GSDMB: variants seen among roughly 807,000 people sequenced by gnomAD.
GSDMB encodes gasdermin B, also known as gasdermin-B.
In GSDMB, 32 loss-of-function variants were observed where a neutral mutation model predicts 42.9. The observed-to-expected ratio is 0.75, with a 90% CI of 0.56 to 1.00. GSDMB has a LOEUF of 1.00. Among genes scored for constraint, GSDMB ranks in the 50% least tolerant of loss-of-function variants. The probability of loss-of-function intolerance (pLI) is 0.00; values close to 1 mark genes in which losing one functional copy is unlikely to be tolerated. For missense variants in GSDMB, 468 were observed against 498.5 expected, an observed-to-expected ratio of 0.94 and a Z score of 0.58; for synonymous variants, 175 against 193.7, an observed-to-expected ratio of 0.90 and a Z score of 0.80.
At chr17:39,912,618 G>C (rs1568104796) in intron 2 of GSDMB, 121 bp from the exon 3 acceptor site, 1 of 737,668 alleles carries the variant, frequency 1.4e-6, no homozygotes, top group East Asian at 2.6e-5. Context: ...CCTTCTGAGG[G>C]AGCGCCACAG....
At chr17:39,907,862 A>G in intron 6 of GSDMB, 1 of 308,270 alleles carries the variant, frequency 3.2e-6, no homozygotes, top group Non-Finnish European at 6.0e-6. Context: ...TTTCACAGCC[A>G]GTGCTGTCCT....
rs1451057108 is a variant in GSDMB, at chr17:39,917,278, A to G, written c.39T>C (p.Val13=). Residue 13 remains valine (V), a synonymous_variant, in exon 2 of 11, where the codon GTT becomes GTC. Transcript: ENST00000418519. ...TATCCCCTCCAGCATCCATCTCCTT[A>G]ACTACAATTCTTGTGATTTCCTCAA... ...SVFEEITRIV[V]KEMDAGGDMI... 1.2e-6 allele frequency: 2 copies of G among 1,613,560 alleles called. No homozygotes were observed. The highest frequency in any genetic ancestry group is 1.3e-5 in the African/African-American group (1 of 74,912).
chr17:39,910,175 G>T (rs1473523424), intron 3 of GSDMB, among the ~76,000 whole-genome samples: 4 of 152,130 alleles, frequency 2.6e-5, no homozygotes, highest in Non-Finnish European at 5.9e-5. Flanking sequence ...GGAGGCTGAG[G>T]TGAGTGGATC....
Position 39,917,070 on chromosome 17 carries a change from C to T in GSDMB, c.235+12G>A, listed in dbSNP as rs762144180. On this transcript the variant is annotated intron_variant, in intron 2 of 10. Transcript: ENST00000418519. The stretch of plus-strand genomic sequence containing the variant: ...CTCCTGGCTGGCCACCTGTCATCTA[C>T]CTTATACTGACCTTGGAGCCCAGAA... 1.6e-5 allele frequency: 25 copies of T among 1,591,288 alleles called. No homozygotes were observed. In the South Asian group the frequency reaches 2.4e-4, roughly 15 times the overall value.
At chr17:39,907,137 A>T in intron 6 of GSDMB, 150 bp from the exon 7 acceptor site, 1 of 1,480,112 alleles carries the variant, frequency 6.8e-7, no homozygotes, top group Non-Finnish European at 9.0e-7. Flanking sequence ...GCGTGTGTCA[A>T]TGGGAAAGCA....
intron 3 of GSDMB, among the ~76,000 whole-genome samples, chr17:39,910,305 C>T (rs530463375): frequency 6.6e-6 from 1 of 152,274 alleles, no homozygotes; most frequent in South Asian, 2.1e-4. Context: ...GCCTGGGCAA[C>T]AGAGCAAGAC....
intron 2 of GSDMB, among the ~76,000 whole-genome samples, chr17:39,914,772 A>AAG (rs1335807938): frequency 1.3e-5 from 2 of 151,666 alleles, no homozygotes; most frequent in Non-Finnish European, 2.9e-5. Flanking sequence ...AAAAAAAAAA[A>AAG]AAAAAAAGTT....
intron 1 of GSDMB, chr17:39,918,032 C>T (rs2063747687): frequency 1.3e-5 from 2 of 152,244 alleles, no homozygotes; most frequent in African/African-American, 4.8e-5. Context: ...CCATTTTCTA[C>T]ATCTCCCACA....
intron 5 of GSDMB, among the ~76,000 whole-genome samples, chr17:39,908,547 T>C (rs993041312): frequency 6.6e-6 from 1 of 151,818 alleles, no homozygotes; most frequent in African/African-American, 2.4e-5. Context: ...ACCCAGCTAA[T>C]ATTTATATTT....
chr17:39,914,170 T>C (rs571266120), intron 2 of GSDMB, among the ~76,000 whole-genome samples: 78 of 152,302 alleles, frequency 5.1e-4, no homozygotes, highest in African/African-American at 1.8e-3. Context: ...TGATAGGTCA[T>C]GTTGACAGTA....
chr17:39,907,347 A>C, intron 6 of GSDMB: 1 of 252,688 alleles, frequency 4.0e-6, no homozygotes, highest in Non-Finnish European at 6.6e-6. Context: ...AAACCTAGAA[A>C]TTCCAGAGGA....
rs1382026187 is a variant in GSDMB at position 39,904,792 on chromosome 17, G to A, written c.*20C>T. ...TAAAGGGAAAACCCAGAGGCTTGTG[G>A]GGAGAAAGGGCTTTTGTAGTTAGGA... On this transcript the variant is annotated 3_prime_UTR_variant, in exon 11 of 11. Coordinates refer to ENST00000418519, the MANE Select transcript of GSDMB (RefSeq NM_001165958.2). 6.2e-7 allele frequency: 1 copy of A among 1,611,130 alleles called. No homozygotes were observed. The highest frequency in any genetic ancestry group is 1.3e-5 in the African/African-American group (1 of 74,978).
At chr17:39,909,288 T>C (rs1163210740) in intron 4 of GSDMB, among the ~76,000 whole-genome samples, 1 of 152,216 alleles carries the variant, frequency 6.6e-6, no homozygotes, top group Non-Finnish European at 1.5e-5. Flanking sequence ...AAATGTTTAC[T>C]GAGGAGCTGC....
At chr17:39,909,178 C>T in intron 4 of GSDMB, 136 bp from the exon 5 acceptor site, 1 of 611,142 alleles carries the variant, frequency 1.6e-6, no homozygotes, top group South Asian at 2.2e-5. Context: ...TCTCAGAGGT[C>T]AGCAGGTGAG....
intron 6 of GSDMB, chr17:39,907,479 G>C (rs2063525613): frequency 6.5e-6 from 1 of 152,966 alleles, no homozygotes; most frequent in Non-Finnish European, 1.5e-5. Flanking sequence ...GCAGTGGGTG[G>C]ATCACCTGAG....
chr17:39,908,671 C>T (rs111826178), intron 5 of GSDMB, among the ~76,000 whole-genome samples: 4,118 of 152,224 alleles, frequency 0.027, 74 homozygotes, highest in Non-Finnish European at 0.042. Flanking sequence ...TGAGCCACCA[C>T]GTCCAGCCAA....
rs1435670563 is a variant in GSDMB at position 39,905,561 on chromosome 17, T to C, written c.1028-65A>G. ...GGTGGGACAGGGCCTCAGTGGCTGATCACACCCAGAACATGTATCATCAAA... is the reference window on the plus strand; with the variant it reads ...GGTGGGACAGGGCCTCAGTGGCTGACCACACCCAGAACATGTATCATCAAA... On this transcript the variant is annotated intron_variant, in intron 9 of 10. Coordinates refer to ENST00000418519, the MANE Select transcript of GSDMB (RefSeq NM_001165958.2). The C allele has an allele frequency of 7.8e-6, 10 of 1,282,592 alleles. No homozygotes were observed. The East Asian group carries it at 1.9e-4, about 24-fold the overall frequency. The allele number at this position is 1,282,592 out of a possible 1,614,324, so 79.5% of individuals were successfully genotyped here.
chr17:39,914,845 T>G (rs565932191), intron 2 of GSDMB, among the ~76,000 whole-genome samples: 37 of 150,472 alleles, frequency 2.5e-4, no homozygotes, highest in African/African-American at 6.4e-4. Flanking sequence ...TTTTTTTTTG[T>G]TTTTTTTTGA....
chr17:39,916,569 A>G (rs944166807), intron 2 of GSDMB, among the ~76,000 whole-genome samples: 3 of 151,724 alleles, frequency 2.0e-5, no homozygotes, highest in Non-Finnish European at 4.4e-5. Flanking sequence ...GGATTACAGG[A>G]GTGAGCCACC....
Sources: gnomAD v4.1 joint callset for allele counts (sites outside exome capture counted in the v4.1 genomes callset) on GRCh38, gnomAD v4.1.1 for gene constraint, MANE v1.5 for transcripts, NCBI Gene and HGNC (gene_info 2026-07-23, HGNC 2026-07-21) for gene names.